Variants in GABRG3 observed in about 807,000 individuals in gnomAD.
GABRG3 encodes the protein gamma-aminobutyric acid receptor subunit gamma-3.
Under a neutral mutation model 48.8 loss-of-function variants are expected in GABRG3, and 25 were observed. The ratio of observed to expected loss-of-function variants is 0.51; its 90% CI spans 0.37 to 0.72. The LOEUF is 0.72. Among genes scored for constraint, GABRG3 ranks in the 30% least tolerant of loss-of-function variants. The pLI is 0.00. For missense variants in GABRG3, 394 were observed against 577.9 expected (o/e 0.68, Z 3.26); for synonymous variants, 227 against 217.6 (o/e 1.04, Z -0.38).
intron 3 of GABRG3, among the ~76,000 whole-genome samples, chr15:27,198,018 C>T (rs1038224970): frequency 2.6e-5 from 4 of 151,998 alleles, no homozygotes; most frequent in Admixed American, 6.5e-5. Context: ...GTCTGGCTAG[C>T]GGTCTATCTA....
intron 5 of GABRG3, among the ~76,000 whole-genome samples, chr15:27,424,882 G>T (rs932673624): frequency 2.0e-5 from 3 of 152,076 alleles, no homozygotes; most frequent in African/African-American, 7.2e-5. Flanking sequence ...ATATCACATT[G>T]GTGATTACAT....
At position 27,248,803 on chromosome 15, in the gene GABRG3, C is replaced by CACACACAGAG. The variant is rs1377080195; in HGVS notation, c.271-78005_271-78004insCACACAGAGA. Among the ~76,000 whole-genome samples, 353 of 110,198 alleles carry CACACACAGAG rather than the reference C, an allele frequency of 3.2e-3. 5 individuals carry two copies. Among genetic ancestry groups the CACACACAGAG allele is most frequent in the African/African-American group, 0.013 (343 of 25,618 alleles). 72.3% of individuals were successfully genotyped at this position (110,198 alleles called of 152,430 possible). A position where few individuals can be genotyped will look rare whatever the true frequency, so the allele number is the denominator to read the frequency against. On this transcript the variant is annotated intron_variant, in intron 3 of 9. Transcript: ENST00000615808. ...ACACACACACACACACACACACACA[C>CACACACAGAG]AGAGAGAGAGAGAGAGAGAGAGAGA...
rs1308867798 is a variant in GABRG3, at chr15:26,971,420, G to A, written c.-116G>A. ...AGTAGATACCTGTCCCGCCCGCCGC[G>A]GCCAGCAGCCTCGGAGGAAGCCAGG... On this transcript the variant is annotated 5_prime_UTR_variant, in exon 1 of 10. Coordinates refer to ENST00000615808, the MANE Select transcript of GABRG3 (RefSeq NM_033223.5). 3.7e-6 allele frequency: 3 copies of A among 812,694 alleles called. No individual in the cohort carries two copies. The highest frequency in any genetic ancestry group is 5.2e-6 in the Non-Finnish European group (3 of 577,490). 50.3% of individuals were successfully genotyped at this position (812,694 alleles called of 1,614,324 possible). A position where few individuals can be genotyped will look rare whatever the true frequency, so the allele number is the denominator to read the frequency against.
Position 27,541,812 on chromosome 15 carries a change from G to A in GABRG3, c.*8931G>A, listed in dbSNP as rs1835575730. ...CTCGTGGTGTCCTAGTGAAATGAGGGCGCACTGGCGCCCGACGTGCCTTGG... is the reference window on the plus strand; with the variant it reads ...CTCGTGGTGTCCTAGTGAAATGAGGACGCACTGGCGCCCGACGTGCCTTGG... On this transcript the variant is annotated 3_prime_UTR_variant, in exon 10 of 10. Coordinates refer to ENST00000615808, the MANE Select transcript of GABRG3 (RefSeq NM_033223.5). 1 of 152,182 alleles carries A rather than the reference G, an allele frequency of 6.6e-6. No individual in the cohort carries two copies. Among genetic ancestry groups the A allele is most frequent in the Non-Finnish European group, 1.5e-5 (1 of 68,046 alleles). 9.4% of individuals were successfully genotyped at this position (152,182 alleles called of 1,614,324 possible).
chr15:27,344,921 A>T (rs538026318), intron 5 of GABRG3, among the ~76,000 whole-genome samples: 104 of 152,222 alleles, frequency 6.8e-4, no homozygotes, highest in African/African-American at 2.5e-3. Context: ...CTTCTTGGAG[A>T]ATTAACACAT....
chr15:27,009,578 C>T (rs921646029), intron 2 of GABRG3, among the ~76,000 whole-genome samples: 5 of 152,214 alleles, frequency 3.3e-5, no homozygotes, highest in East Asian at 1.9e-4. Context: ...AGTGAGCCTA[C>T]TGCTAAGACC....
intron 3 of GABRG3, among the ~76,000 whole-genome samples, chr15:27,137,678 T>C (rs1595545570): frequency 1.3e-5 from 1 of 75,378 alleles, no homozygotes; most frequent in Admixed American, 1.2e-4. Flanking sequence ...CTTATCTCTG[T>C]TTTCAAACAC....
At chr15:27,437,935 C>G (rs1888667853) in intron 5 of GABRG3, among the ~76,000 whole-genome samples, 2 of 152,126 alleles carry the variant, frequency 1.3e-5, no homozygotes, top group African/African-American at 4.8e-5. Context: ...CTTTAAACAA[C>G]CAGCTCTCTC....
chr15:27,284,014 A>T (rs9652570), intron 3 of GABRG3, among the ~76,000 whole-genome samples: 1 of 152,146 alleles, frequency 6.6e-6, no homozygotes, highest in Non-Finnish European at 1.5e-5. Flanking sequence ...CTTTGCCCAA[A>T]GAACTCACCT....
chr15:27,028,602 C>T lies in GABRG3; in HGVS notation c.270+1781C>T, dbSNP rs111987744. On this transcript the variant is annotated intron_variant, in intron 3 of 9. Coordinates refer to ENST00000615808, the MANE Select transcript of GABRG3 (RefSeq NM_033223.5). ...CAGGCAGATCACAAGGTCAGGAGTT[C>T]GAGACCAGCCTGGTCAACGTGATGA... 8.0e-3 allele frequency among the ~76,000 whole-genome samples: 1,217 copies of T among 152,010 alleles called. 18 individuals are homozygous for T. Among genetic ancestry groups the T allele is most frequent in the African/African-American group, 0.028 (1,159 of 41,478 alleles).
chr15:27,477,823 A>G (rs1020371909), intron 5 of GABRG3, among the ~76,000 whole-genome samples: 2 of 152,018 alleles, frequency 1.3e-5, no homozygotes, highest in Non-Finnish European at 1.5e-5. Context: ...GGCAGATCAC[A>G]AGGTCAGGAG....
rs557542845 is a variant in GABRG3, at chr15:27,288,004, T to C, written c.271-38805T>C. 6.2e-3 allele frequency among the ~76,000 whole-genome samples: 938 copies of C among 152,316 alleles called. 2 individuals are homozygous for C. The highest frequency in any genetic ancestry group is 0.01 in the Non-Finnish European group (684 of 68,028). The stretch of plus-strand genomic sequence containing the variant: ...TGCCTGCCTCGGCCTCCCAAAGTGC[T>C]GGGATTACAGGTGTGAGCCACCGTG... On this transcript the variant is annotated intron_variant, in intron 3 of 9. Transcript: ENST00000615808.
At chr15:27,131,467 A>G (rs1487294058) in intron 3 of GABRG3, among the ~76,000 whole-genome samples, 2 of 151,978 alleles carry the variant, frequency 1.3e-5, no homozygotes. Context: ...TTGTATCAGT[A>G]GTCAAAAAGA....
chr15:27,259,134 C>T (rs1890701853), intron 3 of GABRG3, among the ~76,000 whole-genome samples: 1 of 152,106 alleles, frequency 6.6e-6, no homozygotes, highest in Non-Finnish European at 1.5e-5. Flanking sequence ...CTTTATTCGT[C>T]TGTTTGGTCA....
chr15:27,323,001 GCT>G (rs1171868854), intron 3 of GABRG3, among the ~76,000 whole-genome samples: 1 of 152,118 alleles, frequency 6.6e-6, no homozygotes, highest in African/African-American at 2.4e-5. Context: ...CTTCCATCCA[GCT>G]CTGTGTTCTC....
rs35012422 is a variant in GABRG3, at chr15:27,125,637, A to G, written c.270+98816A>G. Among the ~76,000 whole-genome samples, 390 of 152,378 alleles carry G rather than the reference A, an allele frequency of 2.6e-3. 1 individual carries two copies. Among genetic ancestry groups the G allele is most frequent in the African/African-American group, 9.0e-3 (373 of 41,594 alleles). ...GTGTTGACCAAAGATAAAGGAAAAA[A>G]TAAGATATTAGCATTGTTAGACATT... is the stretch of plus-strand genomic sequence containing the variant. On this transcript the variant is annotated intron_variant, in intron 3 of 9. Transcript: ENST00000615808.
intron 3 of GABRG3, among the ~76,000 whole-genome samples, chr15:27,303,616 T>C (rs562991145): frequency 6.6e-6 from 1 of 151,842 alleles, no homozygotes; most frequent in East Asian, 1.9e-4. Flanking sequence ...TCCCAACTCA[T>C]TTTATGAGGC....
chr15:27,082,767 T>C (rs1897012571), intron 3 of GABRG3, among the ~76,000 whole-genome samples: 1 of 152,208 alleles, frequency 6.6e-6, no homozygotes, highest in Non-Finnish European at 1.5e-5. Context: ...TCCGCTGCAA[T>C]GAAAGCCGCA....
chr15:27,519,796 A>G lies in GABRG3; in HGVS notation c.713-176A>G, dbSNP rs182450425. On this transcript the variant is annotated intron_variant, in intron 6 of 9. Transcript: ENST00000615808. The stretch of plus-strand genomic sequence containing the variant: ...TTAAATGCCTGGTACAGCCATGGTT[A>G]CTATGAAAATTAAGTTTAAGAAAAC... Among the ~76,000 whole-genome samples, 457 of 152,346 alleles carry G rather than the reference A, an allele frequency of 3.0e-3. 12 individuals are homozygous for G. The highest frequency in any genetic ancestry group is 0.027 in the Admixed American group (419 of 15,306).
Sources: allele counts gnomAD v4.1 joint callset (sites outside exome capture counted in the v4.1 genomes callset), GRCh38; gene constraint gnomAD v4.1.1; transcripts MANE v1.5; gene names NCBI Gene and HGNC (gene_info 2026-07-23, HGNC 2026-07-21).